Variants in CSMD1 observed in about 807,000 individuals in gnomAD.
CSMD1 encodes the protein CUB and sushi domain-containing protein 1.
A neutral mutation model predicts 417.5 loss-of-function variants in CSMD1; 213 were observed. The observed-to-expected ratio is 0.51, with a 90% CI of 0.46 to 0.57. The LOEUF is 0.57. Among genes scored for constraint, CSMD1 ranks in the 20% least tolerant of loss-of-function variants. The pLI is 0.00. For missense variants in CSMD1, 6,923 were observed against 4,529.7 expected, an observed-to-expected ratio of 1.53 and a Z score of -15.17; for synonymous variants, 2,862 against 1,736.8, an observed-to-expected ratio of 1.65 and a Z score of -16.11.
At chr8:4,013,082 A>G (rs1035967418) in intron 4 of CSMD1, among the ~76,000 whole-genome samples, 1 of 152,054 alleles carries the variant, frequency 6.6e-6, no homozygotes, top group South Asian at 2.1e-4. Flanking sequence ...AGCCAGAGTA[A>G]TCCTCTCAAA....
chr8:4,491,112 G>A (rs7004610), intron 2 of CSMD1, among the ~76,000 whole-genome samples: 1,904 of 152,254 alleles, frequency 0.013, 33 homozygotes, highest in African/African-American at 0.044. Flanking sequence ...GGCTTAATAT[G>A]CGGGCAATGA....
intron 6 of CSMD1, among the ~76,000 whole-genome samples, chr8:3,732,115 G>T (rs986961301): frequency 6.6e-6 from 1 of 152,164 alleles, no homozygotes; most frequent in African/African-American, 2.4e-5. Context: ...GAGGGCCTTG[G>T]AGGAGAGGGC....
intron 1 of CSMD1, among the ~76,000 whole-genome samples, chr8:4,662,561 A>G (rs1804669752): frequency 6.6e-6 from 1 of 152,318 alleles, no homozygotes; most frequent in Non-Finnish European, 1.5e-5. Flanking sequence ...GAGAATGCTA[A>G]TGTAAAGATG....
intron 2 of CSMD1, among the ~76,000 whole-genome samples, chr8:4,590,863 C>A (rs1335223699): frequency 6.6e-6 from 1 of 152,158 alleles, no homozygotes; most frequent in Non-Finnish European, 1.5e-5. Flanking sequence ...CTCATAATGA[C>A]TAATCTTTAC....
At chr8:4,094,137 G>C (rs1163129514) in intron 3 of CSMD1, among the ~76,000 whole-genome samples, 1 of 152,132 alleles carries the variant, frequency 6.6e-6, no homozygotes. Context: ...CGTGTGTGGG[G>C]GGGATGAGGG....
At chr8:4,322,058 G>A (rs1460308183) in intron 3 of CSMD1, among the ~76,000 whole-genome samples, 1 of 152,022 alleles carries the variant, frequency 6.6e-6, no homozygotes, top group African/African-American at 2.4e-5. Context: ...CTAATTCACA[G>A]ATACTTTTCA....
At chr8:3,175,893 A>C (rs1298519185) in intron 37 of CSMD1, among the ~76,000 whole-genome samples, 2 of 152,220 alleles carry the variant, frequency 1.3e-5, no homozygotes, top group Admixed American at 1.3e-4. Flanking sequence ...CAGTGAAATA[A>C]AAACCTTACA....
chr8:4,772,011 G>A (rs946580314), intron 1 of CSMD1, among the ~76,000 whole-genome samples: 2 of 152,138 alleles, frequency 1.3e-5, no homozygotes, highest in Non-Finnish European at 2.9e-5. Flanking sequence ...TCGTTTCACT[G>A]CTCTGCAGGT....
At chr8:3,085,633 T>C (rs1390337844) in intron 49 of CSMD1, among the ~76,000 whole-genome samples, 1 of 152,220 alleles carries the variant, frequency 6.6e-6, no homozygotes, top group Non-Finnish European at 1.5e-5. Context: ...TTCTGAATCA[T>C]TTAACTTAGC....
At chr8:3,357,362 G>T (rs1163257201) in intron 21 of CSMD1, among the ~76,000 whole-genome samples, 1 of 152,170 alleles carries the variant, frequency 6.6e-6, no homozygotes, top group Non-Finnish European at 1.5e-5. Context: ...ATTTCCACAT[G>T]TAACAGGGAA....
intron 5 of CSMD1, among the ~76,000 whole-genome samples, chr8:3,964,509 C>T (rs983033826): frequency 6.6e-6 from 1 of 152,178 alleles, no homozygotes; most frequent in African/African-American, 2.4e-5. Flanking sequence ...GCCTGCCATA[C>T]TCCAAGCTCT....
chr8:4,738,494 G>T (rs1004380096), intron 1 of CSMD1, among the ~76,000 whole-genome samples: 11 of 151,870 alleles, frequency 7.2e-5, no homozygotes, highest in Non-Finnish European at 1.5e-4. Flanking sequence ...AACAGGATGG[G>T]GAAAATCACC....
intron 12 of CSMD1, among the ~76,000 whole-genome samples, chr8:3,464,432 A>T (rs1816687228): frequency 6.6e-6 from 1 of 152,092 alleles, no homozygotes; most frequent in Non-Finnish European, 1.5e-5. Context: ...TTTTCTGTGG[A>T]CTAACAATCA....
At chr8:3,491,850 G>T (rs1206252287) in intron 11 of CSMD1, among the ~76,000 whole-genome samples, 4 of 152,212 alleles carry the variant, frequency 2.6e-5, no homozygotes, top group Non-Finnish European at 4.4e-5. Context: ...ACCACCCGGC[G>T]GGTACCCCGA....
chr8:3,120,709 G>GC lies in CSMD1; in HGVS notation c.6242-2123_6242-2122insG, dbSNP rs1554431392. 2.7e-5 allele frequency among the ~76,000 whole-genome samples: 4 copies of GC among 150,462 alleles called. No individual in the cohort carries two copies. The East Asian group carries it at 5.9e-4, about 22-fold the overall frequency. ...TAAAAATACAAAAATTAGCCAGGGGGGGTGACCGGCACCTGTAATCCCAGC... is the reference window on the plus strand; with the variant it reads ...TAAAAATACAAAAATTAGCCAGGGGGCGGTGACCGGCACCTGTAATCCCAGC... On this transcript the variant is annotated intron_variant, in intron 41 of 69. Transcript: ENST00000635120.
At chr8:4,865,307 G>C (rs187934666) in intron 1 of CSMD1, among the ~76,000 whole-genome samples, 4 of 151,832 alleles carry the variant, frequency 2.6e-5, no homozygotes, top group Admixed American at 2.6e-4. Context: ...TTTGAATAAA[G>C]AGAAAATCTC....
intron 3 of CSMD1, among the ~76,000 whole-genome samples, chr8:4,196,102 T>C (rs1035663063): frequency 6.6e-6 from 1 of 151,806 alleles, no homozygotes; most frequent in African/African-American, 2.4e-5. Context: ...TCCCAGCTGC[T>C]GGGGAGACTG....
intron 1 of CSMD1, chr8:4,787,768 G>A (rs1337559769): frequency 4.4e-6 from 7 of 1,582,134 alleles, no homozygotes; most frequent in Non-Finnish European, 5.2e-6. Flanking sequence ...ATTTTGCTTC[G>A]CTGGACTTGT....
At chr8:4,532,787 C>A (rs1392671478) in intron 2 of CSMD1, among the ~76,000 whole-genome samples, 1 of 149,964 alleles carries the variant, frequency 6.7e-6, no homozygotes, top group African/African-American at 2.5e-5. Flanking sequence ...AATCGTGCAC[C>A]CCCAATCAGT....
Sources: allele counts gnomAD v4.1 joint callset (sites outside exome capture counted in the v4.1 genomes callset), GRCh38; gene constraint gnomAD v4.1.1; transcripts MANE v1.5; gene names NCBI Gene and HGNC (gene_info 2026-07-23, HGNC 2026-07-21).